DSCAML1: variants seen among roughly 807,000 people sequenced by gnomAD.
DSCAML1 encodes the protein DS cell adhesion molecule like 1.
A neutral mutation model predicts 200.5 loss-of-function variants in DSCAML1; 38 were observed. The observed-to-expected ratio is 0.19, with a 90% CI of 0.15 to 0.25. The LOEUF (loss-of-function observed/expected upper bound fraction) is 0.25. Ranked by LOEUF, DSCAML1 falls within the 10% of genes least tolerant of loss-of-function variation. DSCAML1 has a pLI of 1.00. For synonymous variants in DSCAML1, 1,215 were observed against 1,165.0 expected (o/e 1.04, Z -0.87); for missense variants, 2,223 against 2,858.8 (o/e 0.78, Z 5.07).
chr11:117,439,547 C>T (rs749047872), intron 22 of DSCAML1, 118 bp from the exon 23 acceptor site: 410 of 1,357,188 alleles, frequency 3.0e-4, no homozygotes, highest in Non-Finnish European at 3.9e-4. Flanking sequence ...CAGGGAACGC[C>T]GGGTTCTTGG....
chr11:117,545,582 A>G (rs2050358649), intron 3 of DSCAML1, among the ~76,000 whole-genome samples: 1 of 152,134 alleles, frequency 6.6e-6, no homozygotes, highest in South Asian at 2.1e-4. Context: ...AGAAAGGCAG[A>G]GGGGAGCCAA....
At position 117,505,441 on chromosome 11, in the gene DSCAML1, TG is replaced by T. The variant is rs1227830416; in HGVS notation, c.2062+12del. On this transcript the variant is annotated intron_variant, in intron 9 of 32. Coordinates refer to ENST00000651296, the MANE Select transcript of DSCAML1 (RefSeq NM_020693.4). This position sits in a 1 kb window ranked among gnomAD's most constrained non-coding sequence, Gnocchi z 6.7. ...GCTCCTCCCTCCCCTGAGGCTGGCC[TG>T]TCCCTGCTCACCACGCACGATGAGC... 3.7e-6 allele frequency: 6 copies of T among 1,605,180 alleles called. No individual in the cohort carries two copies. The highest frequency in any genetic ancestry group is 5.1e-6 in the Non-Finnish European group (6 of 1,178,096).
At chr11:117,806,459 T>G (rs1007223120) in intron 1 of DSCAML1, among the ~76,000 whole-genome samples, 7 of 152,252 alleles carry the variant, frequency 4.6e-5, no homozygotes, top group Admixed American at 1.3e-4. Flanking sequence ...ATTGTTTGTC[T>G]GCATCAGCCA....
intron 3 of DSCAML1, among the ~76,000 whole-genome samples, chr11:117,566,017 C>CA (rs1418458636): frequency 6.6e-6 from 1 of 152,232 alleles, no homozygotes; most frequent in Admixed American, 6.5e-5. Flanking sequence ...GCCAGGTTCT[C>CA]AGAGCTCATG....
chr11:117,715,511 C>A (rs1409016369), intron 3 of DSCAML1, among the ~76,000 whole-genome samples: 1 of 152,186 alleles, frequency 6.6e-6, no homozygotes. Context: ...GTGCTCGGCA[C>A]TGGGGATGTG....
At position 117,489,662 on chromosome 11, in the gene DSCAML1, G is replaced by C. The variant is rs1284534318; in HGVS notation, c.2360-7500C>G. 6.6e-6 allele frequency among the ~76,000 whole-genome samples: 1 copy of C among 152,198 alleles called. No homozygotes were observed. The highest frequency in any genetic ancestry group is 1.5e-5 in the Non-Finnish European group (1 of 68,026). On this transcript the variant is annotated intron_variant, in intron 11 of 32. Transcript: ENST00000651296. The surrounding 1 kb of genome is among the most constrained non-coding windows in gnomAD (Gnocchi z 4.8). ...ATTCAAGCCTCAGTTACAGTCCCCAGCACCTGCTACAGTGCCTGGCACTGT... is the reference window on the plus strand; with the variant it reads ...ATTCAAGCCTCAGTTACAGTCCCCACCACCTGCTACAGTGCCTGGCACTGT...
chr11:117,779,239 C>T (rs927526906), intron 2 of DSCAML1, among the ~76,000 whole-genome samples: 3 of 152,056 alleles, frequency 2.0e-5, no homozygotes, highest in Non-Finnish European at 4.4e-5. Flanking sequence ...AAAACCATTC[C>T]CAAAACGTCA....
At chr11:117,493,726 C>T (rs2137253243) in intron 11 of DSCAML1, among the ~76,000 whole-genome samples, 1 of 152,228 alleles carries the variant, frequency 6.6e-6, no homozygotes, top group East Asian at 1.9e-4. Context: ...CTCCCAGGTT[C>T]AAGTGATCCT....
At chr11:117,646,247 G>GGGAA (rs933129750) in intron 3 of DSCAML1, among the ~76,000 whole-genome samples, 6 of 152,022 alleles carry the variant, frequency 3.9e-5, no homozygotes, top group Non-Finnish European at 5.9e-5. Flanking sequence ...CTGGCCAGAT[G>GGGAA]GGAAGGGAGG....
At position 117,522,484 on chromosome 11, in the gene DSCAML1, G is replaced by T. The variant is rs149597836; in HGVS notation, c.938-1079C>A. Among the ~76,000 whole-genome samples the T allele has an allele frequency of 3.1e-3, 467 of 152,310 alleles. 5 individuals are homozygous for T. Among genetic ancestry groups the T allele is most frequent in the African/African-American group, 0.011 (448 of 41,568 alleles). On this transcript the variant is annotated intron_variant, in intron 5 of 32. Transcript: ENST00000651296. ...ACTGACCTCTCCTTGATCTCTATGG[G>T]CTAGGGGCTCTGTATGGGGGCTCAG...
Position 117,473,494 on chromosome 11 carries a change from C to T in DSCAML1, c.2786-1458G>A, listed in dbSNP as rs1239696278. 4.6e-5 allele frequency among the ~76,000 whole-genome samples: 7 copies of T among 152,196 alleles called. No individual in the cohort carries two copies. In the East Asian group the frequency reaches 1.2e-3, roughly 25 times the overall value. ...CCTGGGCAACAGAACGAGACTCCAT[C>T]TCAAAAATGAAAAAAACAAAACAAA... On this transcript the variant is annotated intron_variant, in intron 14 of 32. Coordinates refer to ENST00000651296, the MANE Select transcript of DSCAML1 (RefSeq NM_020693.4).
intron 1 of DSCAML1, among the ~76,000 whole-genome samples, chr11:117,792,392 A>G (rs957996023): frequency 2.6e-5 from 4 of 151,956 alleles, no homozygotes; most frequent in African/African-American, 9.7e-5. Flanking sequence ...GGGAGGGGCC[A>G]CTCAGCTCTC....
intron 3 of DSCAML1, among the ~76,000 whole-genome samples, chr11:117,729,329 C>T (rs2054181400): frequency 6.6e-6 from 1 of 152,024 alleles, no homozygotes; most frequent in South Asian, 2.1e-4. Flanking sequence ...TAGAAGAAAA[C>T]ATAGGGATAA....
chr11:117,786,071 C>T (rs1233286212), intron 1 of DSCAML1, among the ~76,000 whole-genome samples: 4 of 152,184 alleles, frequency 2.6e-5, no homozygotes, highest in Non-Finnish European at 1.5e-5. Context: ...CCTCCCTTCC[C>T]CTCCAATCCC....
At chr11:117,561,177 G>C (rs1444506077) in intron 3 of DSCAML1, among the ~76,000 whole-genome samples, 1 of 152,196 alleles carries the variant, frequency 6.6e-6, no homozygotes, top group African/African-American at 2.4e-5. Flanking sequence ...CTTCTCAGCA[G>C]GGCAGTGGGA....
At chr11:117,479,722 C>G (rs1201116725) in intron 14 of DSCAML1, among the ~76,000 whole-genome samples, 2 of 152,106 alleles carry the variant, frequency 1.3e-5, no homozygotes, top group African/African-American at 4.8e-5. Context: ...GATCTTGGTT[C>G]ACTGCAACCT....
chr11:117,705,348 TTTAAG>T (rs773719068), intron 3 of DSCAML1, among the ~76,000 whole-genome samples: 16 of 152,196 alleles, frequency 1.1e-4, no homozygotes, highest in Non-Finnish European at 2.1e-4. Context: ...TTGTTTTTCT[TTTAAG>T]TTAATATTAC....
intron 3 of DSCAML1, among the ~76,000 whole-genome samples, chr11:117,534,662 T>C (rs1400085241): frequency 6.6e-6 from 1 of 152,098 alleles, no homozygotes; most frequent in Non-Finnish European, 1.5e-5. Flanking sequence ...CCAGACTGAG[T>C]GCAGTGGTGT....
chr11:117,589,060 T>C (rs931029946), intron 3 of DSCAML1, among the ~76,000 whole-genome samples: 13 of 152,172 alleles, frequency 8.5e-5, no homozygotes, highest in African/African-American at 2.2e-4. Flanking sequence ...CAGGGAAGCA[T>C]TGGGGTCAGG....
Sources: gnomAD v4.1 joint callset for allele counts (sites outside exome capture counted in the v4.1 genomes callset) on GRCh38, gnomAD v4.1.1 for gene constraint, Gnocchi (gnomAD v3.1) non-coding constraint, MANE v1.5 for transcripts, NCBI Gene and HGNC (gene_info 2026-07-23, HGNC 2026-07-21) for gene names.